Variants in ARHGEF6 observed in about 807,000 individuals in gnomAD.
ARHGEF6 encodes the protein Rac/Cdc42 guanine nucleotide exchange factor 6, also known as rho guanine nucleotide exchange factor 6.
A neutral mutation model predicts 70.3 loss-of-function variants in ARHGEF6; 9 were observed. The observed-to-expected ratio is 0.13, with a 90% CI of 0.08 to 0.22. The LOEUF (loss-of-function observed/expected upper bound fraction) is 0.22. Ranked by LOEUF, ARHGEF6 falls within the 10% of genes least tolerant of loss-of-function variation. The pLI is 1.00. For missense variants in ARHGEF6, 470 were observed against 563.0 expected (o/e 0.83, Z 1.67); for synonymous variants, 201 against 207.8 (o/e 0.97, Z 0.28).
chrX:136,686,584 GTA>G (rs1229089519), intron 11 of ARHGEF6, among the ~76,000 whole-genome samples: 1 of 64,805 alleles, frequency 1.5e-5, no homozygotes, highest in African/African-American at 7.9e-5. Context: ...ATATGTGTGT[GTA>G]TGTGTGTGTA....
intron 5 of ARHGEF6, among the ~76,000 whole-genome samples, chrX:136,732,491 C>T (rs187682767): frequency 2.7e-5 from 3 of 112,277 alleles, no homozygotes; most frequent in South Asian, 3.7e-4. Context: ...AAAACAGATA[C>T]GCAAAACCAA....
rs1245737666 is a variant in ARHGEF6, at chrX:136,670,880, C to G, written c.2135+1140G>C. 4.5e-5 allele frequency among the ~76,000 whole-genome samples: 5 copies of G among 111,454 alleles called. No homozygotes were observed. In the Admixed American group the frequency reaches 4.8e-4, roughly 11 times the overall value. The stretch of plus-strand genomic sequence containing the variant: ...GGGTTGCAGAACAGCCTTTTCCTCT[C>G]TGGGTCTCTCCCTGGACAAAGATTT... On this transcript the variant is annotated intron_variant, in intron 20 of 21. Transcript: ENST00000250617.
At chrX:136,722,064 A>T (rs2076803669) in intron 6 of ARHGEF6, among the ~76,000 whole-genome samples, 1 of 111,235 alleles carries the variant, frequency 9.0e-6, no homozygotes, top group Non-Finnish European at 1.9e-5. Context: ...TTATCTGTCA[A>T]TTAAAAAAAA....
At chrX:136,731,024 G>T (rs144985939) in intron 6 of ARHGEF6, among the ~76,000 whole-genome samples, 4 of 111,665 alleles carry the variant, frequency 3.6e-5, no homozygotes, top group Non-Finnish European at 5.6e-5. Flanking sequence ...AAAGCTAAAA[G>T]AATTGGTCAG....
intron 2 of ARHGEF6, 92 bp from the exon 3 acceptor site, chrX:136,747,684 GAA>G (rs140379962): frequency 6.8e-3 from 828 of 121,895 alleles, no homozygotes; most frequent in East Asian, 0.015. Flanking sequence ...CAGCTCTCCG[GAA>G]AAAAAAAAAA....
intron 9 of ARHGEF6, among the ~76,000 whole-genome samples, chrX:136,691,836 A>C (rs1047663357): frequency 1.8e-5 from 2 of 111,579 alleles, no homozygotes; most frequent in East Asian, 2.8e-4. Flanking sequence ...AGTGCCTACA[A>C]GATCAAGTCT....
intron 20 of ARHGEF6, among the ~76,000 whole-genome samples, chrX:136,669,785 A>T (rs771055752): frequency 9.0e-6 from 1 of 111,187 alleles, no homozygotes; most frequent in East Asian, 2.8e-4. Flanking sequence ...CTCCTTTTCT[A>T]CTCACTTCCC....
At chrX:136,741,230 T>C (rs2077038816) in intron 5 of ARHGEF6, among the ~76,000 whole-genome samples, 1 of 111,788 alleles carries the variant, frequency 8.9e-6, no homozygotes, top group Non-Finnish European at 1.9e-5. Context: ...TTATCTACAT[T>C]ATACAGCTGA....
intron 6 of ARHGEF6, among the ~76,000 whole-genome samples, chrX:136,728,095 G>A (rs1455416871): frequency 8.9e-6 from 1 of 112,115 alleles, no homozygotes; most frequent in Non-Finnish European, 1.9e-5. Context: ...ATAACATTAA[G>A]TTACAATGAG....
At chrX:136,720,081 A>T (rs769185338) in intron 6 of ARHGEF6, among the ~76,000 whole-genome samples, 1 of 112,161 alleles carries the variant, frequency 8.9e-6, no homozygotes, top group East Asian at 2.8e-4. Context: ...AATTATATCA[A>T]TTCTTTACAA....
chrX:136,667,591 T>G lies in ARHGEF6; in HGVS notation c.*438A>C. On this transcript the variant is annotated 3_prime_UTR_variant, in exon 22 of 22. Transcript: ENST00000250617. Reference sequence around the variant, plus strand: ...CCCTGGGGAAAAGTTGGGTTCACATTTAATAAGCCTTGGCCAGCTGCTTTG... The same window carrying G: ...CCCTGGGGAAAAGTTGGGTTCACATGTAATAAGCCTTGGCCAGCTGCTTTG... 1 of 151,209 alleles carries G rather than the reference T, an allele frequency of 6.6e-6. No homozygotes were observed. Among genetic ancestry groups the G allele is most frequent in the Non-Finnish European group, 1.3e-5 (1 of 77,851 alleles). 12.5% of individuals were successfully genotyped at this position (151,209 alleles called of 1,213,427 possible). A position where few individuals can be genotyped will look rare whatever the true frequency, so the allele number is the denominator to read the frequency against.
chrX:136,692,974 A>AT (rs2076474081), intron 9 of ARHGEF6, among the ~76,000 whole-genome samples: 1 of 112,643 alleles, frequency 8.9e-6, no homozygotes, highest in East Asian at 2.7e-4. Context: ...AGGTTTAAAA[A>AT]TTCATTGCAT....
intron 1 of ARHGEF6, among the ~76,000 whole-genome samples, chrX:136,779,762 T>C (rs1336987223): frequency 2.7e-5 from 3 of 111,869 alleles, no homozygotes; most frequent in Non-Finnish European, 3.8e-5. Flanking sequence ...AGTGTGCTGA[T>C]GGCAAATTAG....
intron 17 of ARHGEF6, among the ~76,000 whole-genome samples, chrX:136,677,303 A>T (rs981209073): frequency 8.9e-6 from 1 of 112,353 alleles, no homozygotes; most frequent in African/African-American, 3.2e-5. Context: ...CTAAAAAATA[A>T]TTTTGGGTTA....
intron 6 of ARHGEF6, among the ~76,000 whole-genome samples, chrX:136,729,571 C>G (rs1341875483): frequency 1.9e-5 from 2 of 107,134 alleles, no homozygotes; most frequent in African/African-American, 3.4e-5. Flanking sequence ...GTGGCTCACA[C>G]CTGTAATCCC....
At position 136,665,690 on chromosome X, in the gene ARHGEF6, A is replaced by T. The variant is rs1217086644; in HGVS notation, c.*2339T>A. On this transcript the variant is annotated 3_prime_UTR_variant, in exon 22 of 22. Transcript: ENST00000250617. ...GAACTGAAAGGCCTCTACGGGCAGC[A>T]GTTTAATTACAGGGCAACAGGAACC... The T allele has an allele frequency of 8.9e-6, 1 of 112,820 alleles. No homozygotes were observed. The highest frequency in any genetic ancestry group is 9.4e-5 in the Admixed American group (1 of 10,615). The allele number at this position is 112,820 out of a possible 1,213,427, so 9.3% of individuals were successfully genotyped here. A position where few individuals can be genotyped will look rare whatever the true frequency, so the allele number is the denominator to read the frequency against.
chrX:136,729,467 C>CAAAAAAAA (rs749398050), intron 6 of ARHGEF6, among the ~76,000 whole-genome samples: 1 of 12,410 alleles, frequency 8.1e-5, no homozygotes, highest in African/African-American at 2.4e-4. Flanking sequence ...GACTCCATCT[C>CAAAAAAAA]AAAAAAAAAA....
intron 2 of ARHGEF6, among the ~76,000 whole-genome samples, chrX:136,761,807 A>AT (rs1174391790): frequency 6.9e-4 from 77 of 111,330 alleles, no homozygotes; most frequent in African/African-American, 2.3e-3. Flanking sequence ...AAATGGCTGG[A>AT]TTTTTTTTTC....
chrX:136,732,436 TTACTCCCA>T (rs1181282431), intron 5 of ARHGEF6, among the ~76,000 whole-genome samples: 1 of 112,052 alleles, frequency 8.9e-6, no homozygotes, highest in Non-Finnish European at 1.9e-5. Context: ...GGCAAGAACT[TTACTCCCA>T]GTTGGGGTTT....
Sources: allele counts gnomAD v4.1 joint callset (sites outside exome capture counted in the v4.1 genomes callset), GRCh38; gene constraint gnomAD v4.1.1; transcripts MANE v1.5; gene names NCBI Gene and HGNC (gene_info 2026-07-23, HGNC 2026-07-21).